Variants in ZC3H12B observed in about 807,000 individuals in gnomAD.
The protein encoded by ZC3H12B is probable ribonuclease ZC3H12B.
A neutral mutation model predicts 43.9 loss-of-function variants in ZC3H12B; 7 were observed. That is an observed-to-expected ratio of 0.16 (90% CI 0.09 to 0.30). The LOEUF (loss-of-function observed/expected upper bound fraction) is 0.30, where lower values mean the gene tolerates loss of function less well. Among genes scored for constraint, ZC3H12B ranks in the 10% least tolerant of loss-of-function variants. The probability of loss-of-function intolerance (pLI) is 1.00; values close to 1 mark genes in which losing one functional copy is unlikely to be tolerated. For synonymous variants in ZC3H12B, 222 were observed against 241.7 expected, an observed-to-expected ratio of 0.92 and a Z score of 0.76; for missense variants, 475 against 670.2, an observed-to-expected ratio of 0.71 and a Z score of 3.22.
the ZC3H12B span, among the ~76,000 whole-genome samples, chrX:65,239,282 A>T: frequency 3.6e-5 from 4 of 111,053 alleles, no homozygotes; most frequent in Non-Finnish European, 7.5e-5. Flanking sequence ...TGTATTTAGG[A>T]TAGTTAGCTC....
the ZC3H12B span, among the ~76,000 whole-genome samples, chrX:65,230,917 C>T: frequency 8.0e-5 from 9 of 112,055 alleles, no homozygotes; most frequent in Admixed American, 6.6e-4. Flanking sequence ...GTGTGTCAAC[C>T]ACTTCTATCT....
the ZC3H12B span, among the ~76,000 whole-genome samples, chrX:65,134,280 G>A: frequency 1.8e-5 from 2 of 110,984 alleles, no homozygotes; most frequent in East Asian, 2.9e-4. Context: ...CCAAGAGAAC[G>A]TGGGTGAATG....
the ZC3H12B span, among the ~76,000 whole-genome samples, chrX:65,055,920 G>T: frequency 9.0e-6 from 1 of 111,718 alleles, no homozygotes; most frequent in East Asian, 2.8e-4. Context: ...ATTTCTGTGG[G>T]ATCAGTGGTG....
chrX:65,316,957 C>T, the ZC3H12B span, among the ~76,000 whole-genome samples: 2 of 111,531 alleles, frequency 1.8e-5, no homozygotes, highest in South Asian at 7.4e-4. Context: ...GAAAAATCTA[C>T]AGAGCAAATG....
chrX:65,230,161 T>C, the ZC3H12B span, among the ~76,000 whole-genome samples: 1 of 111,123 alleles, frequency 9.0e-6, no homozygotes, highest in Admixed American at 9.5e-5. Context: ...ATAGACTGGA[T>C]TAAGAAAATG....
chrX:65,392,387 C>A (rs1443051186), intron 2 of ZC3H12B, among the ~76,000 whole-genome samples: 1 of 111,056 alleles, frequency 9.0e-6, no homozygotes, highest in Non-Finnish European at 1.9e-5. Flanking sequence ...GCAACCCCAT[C>A]TGGGAACTGA....
chrX:65,070,193 T>A, the ZC3H12B span, among the ~76,000 whole-genome samples: 1 of 111,139 alleles, frequency 9.0e-6, no homozygotes, highest in Non-Finnish European at 1.9e-5. Flanking sequence ...GTTCAGTAAT[T>A]TATCGATTTC....
the ZC3H12B span, among the ~76,000 whole-genome samples, chrX:65,252,121 ATTTATTGAGAG>A: frequency 8.9e-6 from 1 of 111,862 alleles, no homozygotes; most frequent in Non-Finnish European, 1.9e-5. Context: ...TCAGTTCCTA[ATTTATTGAGAG>A]TTGTTAGCAT....
At chrX:65,256,914 C>T in the ZC3H12B span, among the ~76,000 whole-genome samples, 1 of 112,181 alleles carries the variant, frequency 8.9e-6, no homozygotes, top group African/African-American at 3.2e-5. Flanking sequence ...TACCATCTCA[C>T]ACCAGTTAGA....
At chrX:65,440,033 T>C (rs1237186426) in intron 3 of ZC3H12B, among the ~76,000 whole-genome samples, 1 of 112,284 alleles carries the variant, frequency 8.9e-6, no homozygotes, top group Admixed American at 9.4e-5. Flanking sequence ...CTTTTTGTTA[T>C]TGGATCTTTT....
chrX:65,107,492 T>A, the ZC3H12B span, among the ~76,000 whole-genome samples: 2 of 111,302 alleles, frequency 1.8e-5, no homozygotes, highest in African/African-American at 6.5e-5. Flanking sequence ...TGTCATTATG[T>A]GAGTATCATA....
the ZC3H12B span, among the ~76,000 whole-genome samples, chrX:65,142,601 A>C: frequency 8.9e-6 from 1 of 112,416 alleles, no homozygotes; most frequent in Non-Finnish European, 1.9e-5. Context: ...GGGTTTTTCC[A>C]ATGCTATCTT....
chrX:65,049,813 T>C, the ZC3H12B span, among the ~76,000 whole-genome samples: 1 of 111,886 alleles, frequency 8.9e-6, no homozygotes, highest in African/African-American at 3.2e-5. Flanking sequence ...ACAGATGTAT[T>C]CCAACTTACT....
intron 3 of ZC3H12B, among the ~76,000 whole-genome samples, chrX:65,414,397 G>A (rs750568588): frequency 5.2e-4 from 58 of 111,379 alleles, no homozygotes; most frequent in Non-Finnish European, 1.0e-3. Flanking sequence ...TTTCTACTAG[G>A]TTTCTAGTTG....
intron 3 of ZC3H12B, among the ~76,000 whole-genome samples, chrX:65,434,030 C>T (rs769094828): frequency 2.0e-4 from 22 of 112,023 alleles, no homozygotes; most frequent in East Asian, 8.3e-4. Flanking sequence ...ATGTAAGTCA[C>T]GCTATCCTGA....
At chrX:65,398,234 T>A (rs1343869965) in intron 2 of ZC3H12B, among the ~76,000 whole-genome samples, 2 of 111,960 alleles carry the variant, frequency 1.8e-5, no homozygotes, top group Non-Finnish European at 3.8e-5. Context: ...CCTATCCAAA[T>A]ACCATTGATA....
chrX:65,387,708 C>G (rs376845573), intron 2 of ZC3H12B, among the ~76,000 whole-genome samples: 7 of 108,379 alleles, frequency 6.5e-5, no homozygotes, highest in Non-Finnish European at 1.3e-4. Flanking sequence ...TATTTTGCTC[C>G]TTAGTTGATG....
At chrX:65,194,028 A>G in the ZC3H12B span, among the ~76,000 whole-genome samples, 1 of 109,711 alleles carries the variant, frequency 9.1e-6, no homozygotes, top group Non-Finnish European at 1.9e-5. Flanking sequence ...GAGTTGTCAC[A>G]TACTTTTAAA....
At chrX:65,096,386 A>T in the ZC3H12B span, among the ~76,000 whole-genome samples, 1 of 111,920 alleles carries the variant, frequency 8.9e-6, no homozygotes, top group African/African-American at 3.3e-5. Flanking sequence ...AAAACAAATT[A>T]AAAAACGATG....
Sources: allele counts gnomAD v4.1 joint callset (sites outside exome capture counted in the v4.1 genomes callset), GRCh38; gene constraint gnomAD v4.1.1; transcripts MANE v1.5; gene names NCBI Gene and HGNC (gene_info 2026-07-23, HGNC 2026-07-21).